Variants in STK32B observed in about 807,000 individuals in gnomAD.
STK32B encodes the protein serine/threonine-protein kinase 32B.
A neutral mutation model predicts 52.6 loss-of-function variants in STK32B; 43 were observed. The ratio of observed to expected loss-of-function variants is 0.82; its 90% CI spans 0.64 to 1.05. The LOEUF is 1.05. Among genes scored for constraint, STK32B ranks in the 50% least tolerant of loss-of-function variants. The pLI is 0.00. For missense variants in STK32B, 621 were observed against 534.6 expected, an observed-to-expected ratio of 1.16 and a Z score of -1.59; for synonymous variants, 238 against 204.3, an observed-to-expected ratio of 1.17 and a Z score of -1.41.
At chr4:5,155,011 C>G (rs968697365) in intron 2 of STK32B, among the ~76,000 whole-genome samples, 2 of 152,236 alleles carry the variant, frequency 1.3e-5, no homozygotes, top group Admixed American at 6.5e-5. Flanking sequence ...TCTGACTCTG[C>G]TTTCTATCCT....
intron 11 of STK32B, among the ~76,000 whole-genome samples, chr4:5,473,334 G>T (rs1560443883): frequency 6.6e-6 from 1 of 152,208 alleles, no homozygotes. Flanking sequence ...CAAGTGGGTG[G>T]CCTTGAGGGT....
At chr4:5,426,795 C>G (rs1238323125) in intron 6 of STK32B, 2 of 149,568 alleles carry the variant, frequency 1.3e-5, no homozygotes, top group South Asian at 2.1e-4. Context: ...ATTCCTTTAT[C>G]AGATATATAT....
At chr4:5,474,037 C>A (rs968587915) in intron 11 of STK32B, among the ~76,000 whole-genome samples, 8 of 152,072 alleles carry the variant, frequency 5.3e-5, no homozygotes, top group African/African-American at 1.9e-4. Flanking sequence ...TCACTTGAAC[C>A]CGGGAGGCAG....
rs1224542607 is a variant in STK32B at position 5,380,899 on chromosome 4, A to G, written c.435-17308A>G. 1.3e-5 allele frequency among the ~76,000 whole-genome samples: 2 copies of G among 152,182 alleles called. No homozygotes were observed. Among genetic ancestry groups the G allele is most frequent in the Non-Finnish European group, 1.5e-5 (1 of 68,032 alleles). ...CCTGTTCAAGGTCCTGCAGCTCATC[A>G]TAGTTGTCAGTGCCAACGTCATCAT... is the stretch of plus-strand genomic sequence containing the variant. On this transcript the variant is annotated intron_variant, in intron 4 of 11. Coordinates refer to ENST00000282908, the MANE Select transcript of STK32B (RefSeq NM_018401.3). This position sits in a 1 kb window ranked among gnomAD's most constrained non-coding sequence, Gnocchi z 4.3.
rs1362847087 is a variant in STK32B, at chr4:5,052,243, C to T, written c.52+328C>T. Among the ~76,000 whole-genome samples the T allele has an allele frequency of 3.0e-4, 46 of 152,106 alleles. 1 individual carries two copies. Among genetic ancestry groups the T allele is most frequent in the Admixed American group, 2.9e-3 (44 of 15,278 alleles). Reference sequence around the variant, plus strand: ...GGAGGCCAGTCGGGATGGTTCTAGGCTCGGGCTCCCCAGGAAACCGAGGTT... The same window carrying T: ...GGAGGCCAGTCGGGATGGTTCTAGGTTCGGGCTCCCCAGGAAACCGAGGTT... On this transcript the variant is annotated intron_variant, in intron 1 of 11. Transcript: ENST00000282908.
At chr4:5,272,711 G>C (rs1468381656) in intron 3 of STK32B, among the ~76,000 whole-genome samples, 1 of 151,002 alleles carries the variant, frequency 6.6e-6, no homozygotes, top group African/African-American at 2.4e-5. Context: ...TCTGATCTTT[G>C]ACAAACCTGA....
At chr4:5,024,991 C>T in the STK32B span, among the ~76,000 whole-genome samples, 1 of 152,142 alleles carries the variant, frequency 6.6e-6, no homozygotes, top group Non-Finnish European at 1.5e-5. Flanking sequence ...AATGCTCAGG[C>T]CCCCAGGCTG....
intron 4 of STK32B, among the ~76,000 whole-genome samples, chr4:5,352,480 C>G (rs911638440): frequency 1.3e-5 from 2 of 151,914 alleles, no homozygotes; most frequent in Non-Finnish European, 2.9e-5. Flanking sequence ...AAAACCCCAG[C>G]TAACATCATA....
At chr4:5,202,690 C>T (rs1391203491) in intron 3 of STK32B, among the ~76,000 whole-genome samples, 4 of 152,264 alleles carry the variant, frequency 2.6e-5, no homozygotes, top group Admixed American at 6.5e-5. Flanking sequence ...TGCACACCCA[C>T]AGGCCCAATG....
intron 4 of STK32B, among the ~76,000 whole-genome samples, chr4:5,397,530 G>T (rs941722178): frequency 1.3e-5 from 2 of 152,138 alleles, no homozygotes; most frequent in African/African-American, 4.8e-5. Context: ...GTCCCATGTG[G>T]GTCACTATGT....
At chr4:5,319,881 A>G (rs934421029) in intron 3 of STK32B, among the ~76,000 whole-genome samples, 1 of 152,106 alleles carries the variant, frequency 6.6e-6, no homozygotes, top group Non-Finnish European at 1.5e-5. Context: ...TGCGGGTGAG[A>G]AGCTGCCTCC....
chr4:5,193,348 G>GA (rs1220900659), intron 3 of STK32B, among the ~76,000 whole-genome samples: 1 of 152,186 alleles, frequency 6.6e-6, no homozygotes, highest in African/African-American at 2.4e-5. Context: ...GGAATGCCGT[G>GA]AACCGGTACC....
rs1277410500 is a variant in STK32B at position 5,363,828 on chromosome 4, G to A, written c.434+32435G>A. 3.3e-5 allele frequency among the ~76,000 whole-genome samples: 5 copies of A among 151,956 alleles called. No individual in the cohort carries two copies. The South Asian group carries it at 8.3e-4, about 25-fold the overall frequency. ...CCTTTGAAGTGTTTACCCATTATTT[G>A]CCATAGAAGAATCCAATTTTCATTG... On this transcript the variant is annotated intron_variant, in intron 4 of 11. Coordinates refer to ENST00000282908, the MANE Select transcript of STK32B (RefSeq NM_018401.3).
chr4:5,340,827 T>G (rs767146649), intron 4 of STK32B, among the ~76,000 whole-genome samples: 8 of 152,190 alleles, frequency 5.3e-5, no homozygotes, highest in Non-Finnish European at 1.2e-4. Context: ...CACATATATA[T>G]AAATATAAAC....
chr4:5,199,889 T>G (rs568384745), intron 3 of STK32B, among the ~76,000 whole-genome samples: 1 of 152,188 alleles, frequency 6.6e-6, no homozygotes, highest in Non-Finnish European at 1.5e-5. Flanking sequence ...AATACTGCTT[T>G]TCCTGGGGAA....
intron 1 of STK32B, among the ~76,000 whole-genome samples, chr4:5,116,179 T>TGCAC (rs976732511): frequency 2.7e-5 from 4 of 149,198 alleles, no homozygotes; most frequent in Non-Finnish European, 4.4e-5. Flanking sequence ...TGTGTGTGCA[T>TGCAC]GCACGCACAC....
intron 1 of STK32B, among the ~76,000 whole-genome samples, chr4:5,055,867 AT>A (rs951030658): frequency 1.0e-3 from 92 of 90,568 alleles, no homozygotes; most frequent in African/African-American, 3.1e-3. Flanking sequence ...TCCTTGCTTT[AT>A]TTTTTTTTGT....
At chr4:5,337,514 A>G (rs1428228377) in intron 4 of STK32B, among the ~76,000 whole-genome samples, 4 of 152,156 alleles carry the variant, frequency 2.6e-5, no homozygotes, top group Non-Finnish European at 4.4e-5. Flanking sequence ...TAGGCGTAGG[A>G]AAACTCCAGG....
chr4:5,295,831 T>C (rs1053517865), intron 3 of STK32B, among the ~76,000 whole-genome samples: 10 of 152,214 alleles, frequency 6.6e-5, no homozygotes, highest in African/African-American at 2.4e-4. Flanking sequence ...TTGTTTGCTC[T>C]TGGTTCTCTA....
Sources: gnomAD v4.1 joint callset for allele counts (sites outside exome capture counted in the v4.1 genomes callset) on GRCh38, gnomAD v4.1.1 for gene constraint, Gnocchi (gnomAD v3.1) non-coding constraint, MANE v1.5 for transcripts, NCBI Gene and HGNC (gene_info 2026-07-23, HGNC 2026-07-21) for gene names.